The following TXNL4B variants were observed in gnomAD, a reference collection of about 807,000 sequenced individuals.
TXNL4B encodes thioredoxin-like protein 4B.
A neutral mutation model predicts 13.0 loss-of-function variants in TXNL4B; 12 were observed. The observed-to-expected ratio is 0.92, with a 90% CI of 0.59 to 1.49. The LOEUF is 1.49. Among genes scored for constraint, TXNL4B ranks in the 40% most tolerant of loss-of-function variants. The probability of loss-of-function intolerance (pLI) is 0.00; values close to 1 mark genes in which losing one functional copy is unlikely to be tolerated. For missense variants in TXNL4B, 214 were observed against 173.6 expected (o/e 1.23, Z -1.31); for synonymous variants, 59 against 58.9 (o/e 1.00, Z -0.01).
chr16:72,087,768 G>T (rs984561616), intron 3 of TXNL4B, among the ~76,000 whole-genome samples: 1 of 151,984 alleles, frequency 6.6e-6, no homozygotes, highest in Non-Finnish European at 1.5e-5. Context: ...GGGCTCAAGC[G>T]AATCTCCTGC....
chr16:72,094,242 C>G (rs2041971499), upstream of TXNL4B: 1 of 152,754 alleles, frequency 6.5e-6, no homozygotes, highest in Non-Finnish European at 1.5e-5. Context: ...CCTCCTTGCT[C>G]TGGTCAAATC....
In TXNL4B at chr16:72,086,707, T is replaced by C; in HGVS notation, c.380A>G (p.Lys127Arg). 1 of 1,613,888 alleles carries C rather than the reference T, an allele frequency of 6.2e-7. No individual in the cohort carries two copies. The highest frequency in any genetic ancestry group is 8.5e-7 in the Non-Finnish European group (1 of 1,179,750). ...ATCAATAGGACTTTGGACAATAAGCTTCCCCCTCATTGCTCCTCGATAGAT... is the reference window on the plus strand; with the variant it reads ...ATCAATAGGACTTTGGACAATAAGCCTCCCCCTCATTGCTCCTCGATAGAT... ...EVIYRGAMRG[K>R]LIVQSPIDPK... The change falls in exon 4 of 4, where the codon AAG (lysine) becomes AGG (arginine). Residue 127 changes from lysine (K) to arginine (R), a missense_variant. By Grantham distance (26) the Lys-to-Arg change is conservative (BLOSUM62 2). Coordinates refer to ENST00000268483, the MANE Select transcript of TXNL4B (RefSeq NM_017853.3).
In TXNL4B at chr16:72,090,733, G is replaced by A. The variant is rs1243057512; in HGVS notation, c.17C>T (p.Pro6Leu). The A allele has an allele frequency of 6.2e-7, 1 of 1,613,906 alleles. No homozygotes were observed. The highest frequency in any genetic ancestry group is 8.5e-7 in the Non-Finnish European group (1 of 1,180,018). The change falls in exon 2 of 4, where the codon CCC becomes CTC. Residue 6 changes from proline to leucine, a missense_variant. Physicochemically the swap from Pro to Leu is moderately conservative, Grantham distance 98. Coordinates refer to ENST00000268483, the MANE Select transcript of TXNL4B (RefSeq NM_017853.3). MSFLL[P>L]KLTSKKEVDQ... ...TACTTCCTTTTTGCTAGTCAGCTTG[G>A]GCAGTAGGAAGCTCATCTTGAAATA...
At chr16:72,089,774 G>A (rs956119739) in intron 2 of TXNL4B, among the ~76,000 whole-genome samples, 28 of 152,286 alleles carry the variant, frequency 1.8e-4, no homozygotes, top group African/African-American at 6.7e-4. Context: ...TGTCCTAAGT[G>A]CTTAACATTT....
chr16:72,090,048 T>C (rs932913065), intron 2 of TXNL4B: 9 of 455,490 alleles, frequency 2.0e-5, no homozygotes, highest in East Asian at 1.4e-4. Flanking sequence ...CACACCCTCA[T>C]TGTAACCACG....
intron 1 of TXNL4B, among the ~76,000 whole-genome samples, chr16:72,092,534 T>G (rs1222366347): frequency 6.6e-6 from 1 of 152,144 alleles, no homozygotes; most frequent in Non-Finnish European, 1.5e-5. Flanking sequence ...TCATCAGATG[T>G]GAGCAGCAGA....
At position 72,085,723 on chromosome 16, in the gene TXNL4B, G is replaced by A. The variant is rs1203073423; in HGVS notation, c.*914C>T. 1 of 152,096 alleles carries A rather than the reference G, an allele frequency of 6.6e-6. No homozygotes were observed. Among genetic ancestry groups the A allele is most frequent in the Non-Finnish European group, 1.5e-5 (1 of 68,014 alleles). The allele number at this position is 152,096 out of a possible 1,614,324, so 9.4% of individuals were successfully genotyped here. ...TTTATAACATAAAAAATAATTAAAT[G>A]GGGTGCGCGCGGTGGCTCACGCCTA... On this transcript the variant is annotated 3_prime_UTR_variant, in exon 4 of 4. Transcript: ENST00000268483.
At chr16:72,088,869 A>C in intron 3 of TXNL4B, 118 bp downstream of exon 3, 1 of 682,842 alleles carries the variant, frequency 1.5e-6, no homozygotes, top group Non-Finnish European at 2.4e-6. Flanking sequence ...TCAATTGGGG[A>C]AACAGTACTG....
At chr16:72,090,321 T>G in intron 2 of TXNL4B, 2 of 472,472 alleles carry the variant, frequency 4.2e-6, no homozygotes. Flanking sequence ...ATCCCACTAT[T>G]GCGAGCACTG....
intron 1 of TXNL4B, among the ~76,000 whole-genome samples, chr16:72,092,768 G>T (rs1000570044): frequency 2.6e-5 from 4 of 152,152 alleles, no homozygotes; most frequent in African/African-American, 9.7e-5. Context: ...TACCCACAGA[G>T]AATTCCCAAA....
At chr16:72,089,477 C>G (rs1203929895) in intron 2 of TXNL4B, among the ~76,000 whole-genome samples, 1 of 152,112 alleles carries the variant, frequency 6.6e-6, no homozygotes, top group Non-Finnish European at 1.5e-5. Context: ...GGAGAGAGAC[C>G]TAACCCAGAA....
Position 72,086,546 on chromosome 16 carries a change from T to C in TXNL4B, c.*91A>G. On this transcript the variant is annotated 3_prime_UTR_variant, in exon 4 of 4. Transcript: ENST00000268483. ...AACCTCTTCTCCTCTGGGACACATG[T>C]TTCCAAAGGACTCCAGAAACACAGC... is the stretch of plus-strand genomic sequence containing the variant. The C allele has an allele frequency of 2.3e-6, 3 of 1,281,602 alleles. No individual in the cohort carries two copies. The highest frequency in any genetic ancestry group is 3.3e-6 in the Non-Finnish European group (3 of 918,206). The allele number at this position is 1,281,602 out of a possible 1,614,324, so 79.4% of individuals were successfully genotyped here. A position where few individuals can be genotyped will look rare whatever the true frequency, so the allele number is the denominator to read the frequency against.
Position 72,085,761 on chromosome 16 carries a change from CT to C in TXNL4B, c.*875del, listed in dbSNP as rs2041813597. On this transcript the variant is annotated 3_prime_UTR_variant, in exon 4 of 4. Coordinates refer to ENST00000268483, the MANE Select transcript of TXNL4B (RefSeq NM_017853.3). ...TGGCTCACGCCTATAATCCCAGCAC[CT>C]GGGAGGCTGAGGAGGGCAGATCACG... The C allele has an allele frequency of 6.6e-6, 1 of 152,002 alleles. No homozygotes were observed. The highest frequency in any genetic ancestry group is 2.4e-5 in the African/African-American group (1 of 41,378). 9.4% of individuals were successfully genotyped at this position (152,002 alleles called of 1,614,324 possible).
rs2041950209 is a variant in TXNL4B at position 72,093,434 on chromosome 16, C to T, written c.-105G>A. ...GTCAGCAACCACTTCTCGGAAGAGC[C>T]CGGGCGCGGACAGCTCCTTTCATCA... On this transcript the variant is annotated 5_prime_UTR_variant, in exon 1 of 4. Coordinates refer to ENST00000268483, the MANE Select transcript of TXNL4B (RefSeq NM_017853.3). 6.6e-6 allele frequency: 1 copy of T among 152,300 alleles called. No homozygotes were observed. Among genetic ancestry groups the T allele is most frequent in the Non-Finnish European group, 1.5e-5 (1 of 68,108 alleles). The allele number at this position is 152,300 out of a possible 1,614,324, so 9.4% of individuals were successfully genotyped here. A position where few individuals can be genotyped will look rare whatever the true frequency, so the allele number is the denominator to read the frequency against.
rs1457622219 is a variant in TXNL4B at position 72,085,596 on chromosome 16, C to G, written c.*1041G>C. On this transcript the variant is annotated 3_prime_UTR_variant, in exon 4 of 4. Coordinates refer to ENST00000268483, the MANE Select transcript of TXNL4B (RefSeq NM_017853.3). ...TTTCTGCCTCAGGAAGAGGCAGCAGCTTCTGGGAAAAATCTGCTCCTGCTA... is the reference window on the plus strand; with the variant it reads ...TTTCTGCCTCAGGAAGAGGCAGCAGGTTCTGGGAAAAATCTGCTCCTGCTA... The G allele has an allele frequency of 6.6e-6, 1 of 152,204 alleles. No homozygotes were observed. The highest frequency in any genetic ancestry group is 1.9e-4 in the East Asian group (1 of 5,196). 9.4% of individuals were successfully genotyped at this position (152,204 alleles called of 1,614,324 possible). A position where few individuals can be genotyped will look rare whatever the true frequency, so the allele number is the denominator to read the frequency against.
chr16:72,089,702 C>A (rs771767725), intron 2 of TXNL4B, among the ~76,000 whole-genome samples: 1 of 152,228 alleles, frequency 6.6e-6, no homozygotes, highest in Non-Finnish European at 1.5e-5. Context: ...TCCCAATCCT[C>A]CCAGAAATGA....
At chr16:72,088,786 A>T (rs1415486590) in intron 3 of TXNL4B, among the ~76,000 whole-genome samples, 1 of 152,244 alleles carries the variant, frequency 6.6e-6, no homozygotes, top group Non-Finnish European at 1.5e-5. Context: ...AAAAAAATAA[A>T]TAAAATTTGA....
In TXNL4B at chr16:72,085,011, T is replaced by C; in HGVS notation, c.*1626A>G. The C allele has an allele frequency of 2.5e-6, 1 of 398,638 alleles. No individual in the cohort carries two copies. The highest frequency in any genetic ancestry group is 4.4e-6 in the Non-Finnish European group (1 of 226,070). 24.7% of individuals were successfully genotyped at this position (398,638 alleles called of 1,614,324 possible). On this transcript the variant is annotated 3_prime_UTR_variant, in exon 4 of 4. Coordinates refer to ENST00000268483, the MANE Select transcript of TXNL4B (RefSeq NM_017853.3). ...TGCTGGGCACCTCGGGGACCTAAGA[T>C]GGCTGTTGTAGCTCCATGCATCATG... is the stretch of plus-strand genomic sequence containing the variant.
chr16:72,089,461 C>G (rs1469549954), intron 2 of TXNL4B, among the ~76,000 whole-genome samples: 1 of 152,074 alleles, frequency 6.6e-6, no homozygotes, highest in East Asian at 1.9e-4. Flanking sequence ...CCTGTCTATT[C>G]ATTGTGGAGA....
Sources: allele counts gnomAD v4.1 joint callset (sites outside exome capture counted in the v4.1 genomes callset), GRCh38; gene constraint gnomAD v4.1.1; transcripts MANE v1.5; gene names NCBI Gene and HGNC (gene_info 2026-07-23, HGNC 2026-07-21).